Variants in ASAH1 observed in about 807,000 individuals in gnomAD.
ASAH1 encodes the protein N-acylsphingosine amidohydrolase 1, also known as acid ceramidase.
ASAH1 carries 70 observed loss-of-function variants against 59.5 expected under a neutral mutation model. The observed-to-expected ratio is 1.18, with a 90% CI of 0.97 to 1.43. The LOEUF (loss-of-function observed/expected upper bound fraction) is 1.43. Among genes scored for constraint, ASAH1 ranks in the 40% most tolerant of loss-of-function variants. The probability of loss-of-function intolerance (pLI) is 0.00; values close to 1 mark genes in which losing one functional copy is unlikely to be tolerated. For missense variants in ASAH1, 660 were observed against 482.5 expected (o/e 1.37, Z -3.45); for synonymous variants, 213 against 166.5 (o/e 1.28, Z -2.15).
At position 18,061,703 on chromosome 8, in the gene ASAH1, A is replaced by G. The variant is rs1036789333; in HGVS notation, c.686T>C (p.Ile229Thr). ...CTACTTACCCAGATAACCACCATTT[A>G]TACTGAAACGTTCATTCAGTGTAAG... ...FSLTLNERFS[I>T]NGGYLGILEW... Residue 229 changes from isoleucine (I) to threonine (T), a missense_variant, in exon 9 of 14, where the codon ATA becomes ACA. Ile to Thr is a moderately conservative substitution (Grantham distance 89, BLOSUM62 -1). Transcript: ENST00000637790. 1.3e-6 allele frequency: 2 copies of G among 1,585,846 alleles called. No homozygotes were observed. The highest frequency in any genetic ancestry group is 2.3e-5 in the East Asian group (1 of 43,566).
rs566385183 is a variant in ASAH1 at position 18,056,037 on chromosome 8, A to C, written c.*1497T>G. On this transcript the variant is annotated 3_prime_UTR_variant, in exon 14 of 14. Coordinates refer to ENST00000637790, the MANE Select transcript of ASAH1 (RefSeq NM_177924.5). ...TATCAGGCATATCAAAGGTTATTAC[A>C]TTAACAAAAAAATACATCAAGTTGA... The C allele has an allele frequency of 3.3e-5, 5 of 152,228 alleles. No individual in the cohort carries two copies. The highest frequency in any genetic ancestry group is 1.3e-4 in the Admixed American group (2 of 15,284). 9.4% of individuals were successfully genotyped at this position (152,228 alleles called of 1,614,324 possible).
chr8:18,084,342 C>A (rs1160621304), upstream of ASAH1: 22 of 1,416,096 alleles, frequency 1.6e-5, no homozygotes, highest in South Asian at 3.3e-4. Flanking sequence ...ATCCCCCTCC[C>A]CCACCGCGGG....
Position 18,063,455 on chromosome 8 carries a change from G to A in ASAH1, c.458-225C>T, listed in dbSNP as rs182897718. 9.5e-4 allele frequency: 438 copies of A among 460,278 alleles called. 1 individual carries two copies. The highest frequency in any genetic ancestry group is 8.2e-3 in the African/African-American group (394 of 47,880). The allele number at this position is 460,278 out of a possible 1,614,324, so 28.5% of individuals were successfully genotyped here. ...CGTAGTTGGGATTACAGACATGTGC[G>A]ACCGCACCTGGCTACTTTTTTTTTT... On this transcript the variant is annotated intron_variant, in intron 6 of 13. Transcript: ENST00000637790.
chr8:18,070,526 C>A (rs377745701), intron 3 of ASAH1, among the ~76,000 whole-genome samples: 1 of 152,132 alleles, frequency 6.6e-6, no homozygotes, highest in Admixed American at 6.5e-5. Flanking sequence ...TCAGGTGATC[C>A]GCCTGCCTCA....
chr8:18,062,174 G>A, intron 8 of ASAH1, 105 bp downstream of exon 8: 1 of 1,470,272 alleles, frequency 6.8e-7, no homozygotes, highest in Non-Finnish European at 9.5e-7. Flanking sequence ...GTGAAATGGG[G>A]CTTCATATTC....
chr8:18,078,140 T>A (rs1800489141), intron 1 of ASAH1, among the ~76,000 whole-genome samples: 2 of 152,180 alleles, frequency 1.3e-5, no homozygotes, highest in African/African-American at 4.8e-5. Context: ...TAGAATCAAC[T>A]CGGCAAATTA....
intron 10 of ASAH1, 82 bp downstream of exon 10, chr8:18,061,295 C>A: frequency 8.1e-7 from 1 of 1,234,578 alleles, no homozygotes; most frequent in Non-Finnish European, 1.1e-6. Flanking sequence ...AAGGATTAAG[C>A]TGGAGCTTGA....
chr8:18,080,012 C>G (rs891726384), intron 1 of ASAH1, among the ~76,000 whole-genome samples: 2 of 152,162 alleles, frequency 1.3e-5, no homozygotes, highest in African/African-American at 2.4e-5. Flanking sequence ...GCATTCCCAG[C>G]GTTTAGGAGT....
intron 1 of ASAH1, among the ~76,000 whole-genome samples, chr8:18,081,153 T>G (rs1800635780): frequency 6.6e-6 from 1 of 152,158 alleles, no homozygotes; most frequent in Admixed American, 6.5e-5. Flanking sequence ...CCATGTTTCC[T>G]GGAACGGATG....
chr8:18,083,948 C>T (rs772709983), intron 1 of ASAH1, 33 bp downstream of exon 1: 72 of 1,589,638 alleles, frequency 4.5e-5, no homozygotes, highest in Non-Finnish European at 5.9e-5. Context: ...CACCTGCACG[C>T]CCCTCTCTGC....
At chr8:18,084,925 G>A (rs1178558421), upstream of ASAH1, 1 of 1,402,654 alleles carries the variant, frequency 7.1e-7, no homozygotes, top group African/African-American at 1.4e-5. Context: ...GCCATCCGTG[G>A]ACACAGTCGC....
intron 6 of ASAH1, 92 bp from the exon 7 acceptor site, chr8:18,063,322 GA>G (rs1799786394): frequency 8.0e-7 from 1 of 1,246,622 alleles, no homozygotes; most frequent in Admixed American, 1.7e-5. Context: ...ATTTATTTTT[GA>G]GACAGAGTCT....
chr8:18,073,514 A>T (rs1800262347), intron 2 of ASAH1, among the ~76,000 whole-genome samples: 1 of 152,182 alleles, frequency 6.6e-6, no homozygotes. Flanking sequence ...CACATATACA[A>T]ATAAGAGAGC....
intron 2 of ASAH1, among the ~76,000 whole-genome samples, chr8:18,073,847 T>C (rs974051500): frequency 4.6e-5 from 7 of 152,158 alleles, no homozygotes; most frequent in African/African-American, 1.7e-4. Flanking sequence ...CCGAGGCTTT[T>C]TGTGTAGGAA....
Position 18,073,218 on chromosome 8 carries a change from G to T in ASAH1, c.126-1828C>A, listed in dbSNP as rs6586687. On this transcript the variant is annotated intron_variant, in intron 2 of 13. Transcript: ENST00000637790. ...TAAAACATTTCAGTATTTAACTTGT[G>T]CGCCTCCATTTCCCCATAAGAATAA... 1.9e-4 allele frequency: 291 copies of T among 1,508,756 alleles called. 1 individual carries two copies. The African/African-American group carries it at 3.1e-3, about 16-fold the overall frequency. The allele number at this position is 1,508,756 out of a possible 1,614,324, so 93.5% of individuals were successfully genotyped here. A position where few individuals can be genotyped will look rare whatever the true frequency, so the allele number is the denominator to read the frequency against.
At chr8:18,083,875 C>T (rs1223185420) in intron 1 of ASAH1, 106 bp downstream of exon 1, 7 of 1,527,938 alleles carry the variant, frequency 4.6e-6, no homozygotes, top group Non-Finnish European at 5.3e-6. Context: ...AAAGAAGCTG[C>T]CCAGCACGAG....
At chr8:18,073,522 A>G (rs1800262666) in intron 2 of ASAH1, among the ~76,000 whole-genome samples, 1 of 152,170 alleles carries the variant, frequency 6.6e-6, no homozygotes, top group Admixed American at 6.5e-5. Flanking sequence ...CAAATAAGAG[A>G]GCAAGTGCTA....
intron 3 of ASAH1, among the ~76,000 whole-genome samples, chr8:18,070,991 C>T (rs919295328): frequency 1.3e-5 from 2 of 151,946 alleles, no homozygotes; most frequent in Non-Finnish European, 2.9e-5. Context: ...GAGGATCACT[C>T]GAGGTCAGGA....
chr8:18,058,180 G>C (rs1198646641), intron 13 of ASAH1: 3 of 153,530 alleles, frequency 2.0e-5, no homozygotes, highest in Non-Finnish European at 1.4e-5. Flanking sequence ...AAGTATGGCA[G>C]GGCCCGTGAA....
Sources: allele counts gnomAD v4.1 joint callset (sites outside exome capture counted in the v4.1 genomes callset), GRCh38; gene constraint gnomAD v4.1.1; transcripts MANE v1.5; gene names NCBI Gene and HGNC (gene_info 2026-07-23, HGNC 2026-07-21).